Variants in MBIP observed in about 807,000 individuals in gnomAD.
MBIP encodes the protein MAP3K12 binding inhibitory protein 1.
A neutral mutation model predicts 45.7 loss-of-function variants in MBIP; 32 were observed. That is an observed-to-expected ratio of 0.70 (90% CI 0.53 to 0.94). MBIP has a LOEUF of 0.94. Ranked by LOEUF, MBIP falls within the 40% of genes least tolerant of loss-of-function variation. The probability of loss-of-function intolerance (pLI) is 0.00; values close to 1 mark genes in which losing one functional copy is unlikely to be tolerated. For synonymous variants in MBIP, 145 were observed against 141.0 expected (o/e 1.03, Z -0.20); for missense variants, 381 against 405.5 (o/e 0.94, Z 0.52).
intron 1 of MBIP, among the ~76,000 whole-genome samples, chr14:36,318,475 T>C (rs1880703042): frequency 6.6e-6 from 1 of 151,984 alleles, no homozygotes. Flanking sequence ...ATGAACTCTA[T>C]GCATTTTGCC....
chr14:36,311,803 T>C, intron 5 of MBIP, 78 bp from the exon 6 acceptor site: 1 of 1,338,812 alleles, frequency 7.5e-7, no homozygotes, highest in Non-Finnish European at 1.0e-6. Context: ...CAGCACTTTA[T>C]ATTTTTTTCA....
chr14:36,312,069 T>G, intron 4 of MBIP, 45 bp from the exon 5 acceptor site: 1 of 1,062,840 alleles, frequency 9.4e-7, no homozygotes, highest in Non-Finnish European at 1.4e-6. Flanking sequence ...TATTCTTCCC[T>G]TCAAATGTAT....
At chr14:36,314,262 A>C (rs11156909) in intron 4 of MBIP, 327,119 of 369,612 alleles carry the variant, frequency 0.89, 149,510 homozygotes, top group East Asian at 0.97. Flanking sequence ...AGGAACTTTA[A>C]AATAATCTTC....
At position 36,316,767 on chromosome 14, in the gene MBIP, T is replaced by C. The variant is rs1240150207; in HGVS notation, c.175A>G (p.Lys59Glu). The change falls in exon 2 of 9, where the codon AAG becomes GAG. Residue 59 changes from lysine (K) to glutamate (E), a missense_variant. Physicochemically the swap from Lys to Glu is moderately conservative, Grantham distance 56 (BLOSUM62 1). Transcript: ENST00000416007. ...DVVKITIDWN[K>E]LQSLSAFQPA... ...TGGAATGCCGAGAGGCTCTGGAGCT[T>C]GTTCCAATCGATTGTAATTTTCACC... is the stretch of plus-strand genomic sequence containing the variant. The C allele has an allele frequency of 3.1e-6, 5 of 1,612,702 alleles. No individual in the cohort carries two copies. The highest frequency in any genetic ancestry group is 4.2e-6 in the Non-Finnish European group (5 of 1,179,246).
At chr14:36,307,002 G>A (rs999920871) in intron 7 of MBIP, among the ~76,000 whole-genome samples, 5 of 152,210 alleles carry the variant, frequency 3.3e-5, no homozygotes, top group African/African-American at 1.2e-4. Flanking sequence ...AAATGCCAAT[G>A]AGGTTTTTAC....
chr14:36,312,367 C>T (rs563110870), intron 4 of MBIP, among the ~76,000 whole-genome samples: 249 of 152,150 alleles, frequency 1.6e-3, no homozygotes, highest in African/African-American at 5.5e-3. Context: ...TCTACTTCAT[C>T]GTAGAAATAA....
At chr14:36,299,385 A>C (rs1879398154) in intron 8 of MBIP, among the ~76,000 whole-genome samples, 195 bp from the exon 9 acceptor site, 1 of 152,096 alleles carries the variant, frequency 6.6e-6, no homozygotes, top group Admixed American at 6.6e-5. Context: ...ATAAAATAAC[A>C]AGGCTTAAAT....
Position 36,311,796 on chromosome 14 carries a change from CA to C in MBIP, c.638-72del. The C allele has an allele frequency of 3.0e-6, 4 of 1,352,456 alleles. No individual in the cohort carries two copies. In the South Asian group the frequency reaches 5.8e-5, roughly 20 times the overall value. 83.8% of individuals were successfully genotyped at this position (1,352,456 alleles called of 1,614,324 possible). ...ATCAGAAATTCTTATTCCTTAACAG[CA>C]CTTTATATTTTTTTCATAAAGACCA... is the stretch of plus-strand genomic sequence containing the variant. On this transcript the variant is annotated intron_variant, in intron 5 of 8. Transcript: ENST00000416007.
intron 7 of MBIP, among the ~76,000 whole-genome samples, chr14:36,304,033 C>G (rs1879729097): frequency 6.6e-6 from 1 of 152,118 alleles, no homozygotes; most frequent in South Asian, 2.1e-4. Flanking sequence ...GAAGTGCAAA[C>G]TGGTTAGTGT....
intron 7 of MBIP, among the ~76,000 whole-genome samples, chr14:36,301,647 A>AGT (rs1879559766): frequency 6.6e-6 from 1 of 152,230 alleles, no homozygotes; most frequent in Non-Finnish European, 1.5e-5. Flanking sequence ...TTAAATCTGA[A>AGT]GCTTGTGCTA....
intron 8 of MBIP, among the ~76,000 whole-genome samples, chr14:36,300,511 A>G (rs1879475681): frequency 6.6e-6 from 1 of 152,216 alleles, no homozygotes; most frequent in African/African-American, 2.4e-5. Flanking sequence ...AAATTACTTG[A>G]GCACTTACTA....
chr14:36,319,364 G>A (rs1422990953), intron 1 of MBIP, among the ~76,000 whole-genome samples: 1 of 152,104 alleles, frequency 6.6e-6, no homozygotes, highest in East Asian at 1.9e-4. Context: ...GTAAGTACTT[G>A]GCAAACAACT....
intron 8 of MBIP, among the ~76,000 whole-genome samples, chr14:36,300,439 C>T (rs1306295374): frequency 6.6e-6 from 1 of 152,126 alleles, no homozygotes; most frequent in Non-Finnish European, 1.5e-5. Flanking sequence ...GCCAAACACC[C>T]TTTTTGATCT....
chr14:36,305,992 G>A (rs1220152194), intron 7 of MBIP, among the ~76,000 whole-genome samples: 2 of 151,792 alleles, frequency 1.3e-5, no homozygotes, highest in Non-Finnish European at 2.9e-5. Flanking sequence ...AGTTTCTCTC[G>A]TTTGTCTCCC....
At chr14:36,310,373 A>G (rs1880129313) in intron 6 of MBIP, among the ~76,000 whole-genome samples, 1 of 152,138 alleles carries the variant, frequency 6.6e-6, no homozygotes, top group African/African-American at 2.4e-5. Flanking sequence ...TCTTTTTGGA[A>G]TGCTTTGCTC....
chr14:36,309,324 ATTAT>A (rs1457655580), intron 6 of MBIP, among the ~76,000 whole-genome samples: 1 of 152,026 alleles, frequency 6.6e-6, no homozygotes, highest in Admixed American at 6.6e-5. Context: ...TTCTTTCTGT[ATTAT>A]TTGTTTCCCC....
At chr14:36,303,330 T>G (rs1318394507) in intron 7 of MBIP, among the ~76,000 whole-genome samples, 2 of 152,150 alleles carry the variant, frequency 1.3e-5, no homozygotes, top group Non-Finnish European at 2.9e-5. Flanking sequence ...CACCCATTAT[T>G]TTACCTTACC....
Position 36,311,694 on chromosome 14 carries a change from C to G in MBIP, c.669G>C (p.Gln223His). 2 of 1,613,248 alleles carry G rather than the reference C, an allele frequency of 1.2e-6. No individual in the cohort carries two copies. Among genetic ancestry groups the G allele is most frequent in the Non-Finnish European group, 8.5e-7 (1 of 1,179,480 alleles). The change falls in exon 6 of 9, where the codon CAG becomes CAC. Residue 223 changes from glutamine to histidine, a missense_variant. Gln to His is a conservative substitution (Grantham distance 24). Coordinates refer to ENST00000416007, the MANE Select transcript of MBIP (RefSeq NM_016586.3). ...VSRVVNTYGP[Q>H]TRPEGIPGSG... ...ACCCTGGAATTCCTTCAGGTCTAGT[C>G]TGTGGTCCGTATGTATTCACAACTC...
chr14:36,314,524 C>T lies in MBIP; in HGVS notation c.559G>A (p.Asp187Asn). ...TCCAGGTAGTTACCTTGATTACAAT[C>T]AATAACATTGCAAAATTCCCTGACG... is the stretch of plus-strand genomic sequence containing the variant. ...NNVREFCNVI[D>N]CNQENSCART... The change falls in exon 4 of 9, where the codon GAT becomes AAT. Residue 187 changes from aspartate to asparagine, a missense_variant. Transcript: ENST00000416007. The T allele has an allele frequency of 6.2e-7, 1 of 1,607,650 alleles. No individual in the cohort carries two copies. Among genetic ancestry groups the T allele is most frequent in the Non-Finnish European group, 8.5e-7 (1 of 1,176,926 alleles).
Sources: gnomAD v4.1 joint callset for allele counts (sites outside exome capture counted in the v4.1 genomes callset) on GRCh38, gnomAD v4.1.1 for gene constraint, MANE v1.5 for transcripts, NCBI Gene and HGNC (gene_info 2026-07-23, HGNC 2026-07-21) for gene names.